KDM4C: variants seen among roughly 807,000 people sequenced by gnomAD.
KDM4C encodes the protein lysine demethylase 4C.
A neutral mutation model predicts 129.3 loss-of-function variants in KDM4C; 81 were observed. That is an observed-to-expected ratio of 0.63 (90% CI 0.52 to 0.75). The LOEUF (loss-of-function observed/expected upper bound fraction) is 0.75. KDM4C is among the 30% of genes least tolerant of loss of function. KDM4C has a pLI of 0.00. For synonymous variants in KDM4C, 573 were observed against 456.1 expected (o/e 1.26, Z -3.26); for missense variants, 1,457 against 1,304.0 (o/e 1.12, Z -1.81).
At chr9:6,828,972 C>T (rs929780042) in intron 4 of KDM4C, among the ~76,000 whole-genome samples, 5 of 152,168 alleles carry the variant, frequency 3.3e-5, no homozygotes, top group Admixed American at 6.5e-5. Flanking sequence ...ACAGTTGAAA[C>T]ATACTTAAAT....
At chr9:6,764,712 T>G in intron 1 of KDM4C, among the ~76,000 whole-genome samples, 1 of 152,216 alleles carries the variant, frequency 6.6e-6, no homozygotes, top group East Asian at 1.9e-4. Context: ...TTCTTCTGGG[T>G]TTATATTGTA....
intron 8 of KDM4C, among the ~76,000 whole-genome samples, chr9:6,959,120 C>T (rs1829607054): frequency 6.6e-6 from 1 of 152,148 alleles, no homozygotes; most frequent in East Asian, 1.9e-4. Flanking sequence ...ACCCAGTGAA[C>T]AAATGACTTA....
intron 1 of KDM4C, among the ~76,000 whole-genome samples, chr9:6,746,032 C>T (rs1197735728): frequency 6.6e-6 from 1 of 151,798 alleles, no homozygotes; most frequent in Non-Finnish European, 1.5e-5. Context: ...TCTTGAACCC[C>T]CAACCTCAGG....
intron 8 of KDM4C, among the ~76,000 whole-genome samples, chr9:6,933,406 T>A (rs931127774): frequency 6.6e-6 from 1 of 152,158 alleles, no homozygotes; most frequent in African/African-American, 2.4e-5. Flanking sequence ...GGCATAACCA[T>A]CAGTGGTTGA....
intron 5 of KDM4C, among the ~76,000 whole-genome samples, chr9:6,854,477 A>G (rs532799168): frequency 6.3e-4 from 91 of 144,724 alleles, no homozygotes; most frequent in Middle Eastern, 3.6e-3. Context: ...GTGAGCTGAG[A>G]TCGCGCCATT....
intron 17 of KDM4C, among the ~76,000 whole-genome samples, chr9:7,069,032 C>T (rs553942762): frequency 6.6e-6 from 1 of 152,226 alleles, no homozygotes; most frequent in African/African-American, 2.4e-5. Context: ...CCTTTCTTCT[C>T]ACTCTACATT....
rs1564204839 is a variant in KDM4C, at chr9:7,169,786, A to G, written c.2902-12A>G. The G allele has an allele frequency of 2.5e-6, 4 of 1,593,786 alleles. No homozygotes were observed. The highest frequency in any genetic ancestry group is 4.5e-5 in the East Asian group (2 of 44,398). On this transcript the variant is annotated splice_polypyrimidine_tract_variant and intron_variant, in intron 20 of 21. Coordinates refer to ENST00000381309, the MANE Select transcript of KDM4C (RefSeq NM_015061.6). The stretch of plus-strand genomic sequence containing the variant: ...TTTTTAATATGTATCATGTTATATT[A>G]TCTTTCATTAGGTTGAGTTTGAAGA...
chr9:7,086,007 CATT>C (rs1835072881), intron 17 of KDM4C, among the ~76,000 whole-genome samples: 1 of 151,970 alleles, frequency 6.6e-6, no homozygotes, highest in South Asian at 2.1e-4. Context: ...AATGCAAAAA[CATT>C]AGCCAGGCAT....
chr9:7,169,490 C>G (rs1157892461), intron 20 of KDM4C, among the ~76,000 whole-genome samples: 2 of 152,158 alleles, frequency 1.3e-5, no homozygotes, highest in Non-Finnish European at 2.9e-5. Context: ...CATGCGCCAC[C>G]ATGCCTGGCT....
chr9:7,112,864 G>A (rs562238635), intron 18 of KDM4C, among the ~76,000 whole-genome samples: 1 of 152,274 alleles, frequency 6.6e-6, no homozygotes, highest in Admixed American at 6.5e-5. Flanking sequence ...GTGTCTCTAA[G>A]ATCCTGGGTG....
At chr9:6,898,462 A>T (rs1816817974) in intron 8 of KDM4C, among the ~76,000 whole-genome samples, 1 of 152,178 alleles carries the variant, frequency 6.6e-6, no homozygotes, top group Non-Finnish European at 1.5e-5. Context: ...CACAAAAATG[A>T]TATCTTTTAT....
Position 6,923,096 on chromosome 9 carries a change from G to A in KDM4C, c.921+29864G>A, listed in dbSNP as rs1211655131. 2.0e-5 allele frequency among the ~76,000 whole-genome samples: 3 copies of A among 152,086 alleles called. No individual in the cohort carries two copies. In the East Asian group the frequency reaches 5.8e-4, roughly 29 times the overall value. ...ATTTTATGGGTATTTATTTGGTAAA[G>A]CCTGTTTGATTTAATGTTTTTACTC... On this transcript the variant is annotated intron_variant, in intron 8 of 21. Transcript: ENST00000381309.
At chr9:7,079,908 T>A (rs930882102) in intron 17 of KDM4C, among the ~76,000 whole-genome samples, 1 of 152,146 alleles carries the variant, frequency 6.6e-6, no homozygotes. Flanking sequence ...GGCTGCTGGT[T>A]CTCCTTTCCC....
intron 6 of KDM4C, 108 bp from the exon 7 acceptor site, chr9:6,887,852 C>G (rs1845526254): frequency 1.4e-6 from 1 of 711,428 alleles, no homozygotes; most frequent in African/African-American, 1.8e-5. Flanking sequence ...GAGGTCCATA[C>G]TTGCATAAGT....
chr9:7,141,155 T>C (rs894084901), intron 19 of KDM4C, among the ~76,000 whole-genome samples: 1 of 152,146 alleles, frequency 6.6e-6, no homozygotes, highest in Non-Finnish European at 1.5e-5. Flanking sequence ...TTTTTGGCTC[T>C]AGTGAAAAAG....
chr9:7,087,950 C>G (rs990278861), intron 17 of KDM4C, among the ~76,000 whole-genome samples: 3 of 152,216 alleles, frequency 2.0e-5, no homozygotes, highest in African/African-American at 7.2e-5. Flanking sequence ...GATTTGTAAT[C>G]TTACAGTGAT....
At chr9:6,733,615 G>A (rs1283216338) in intron 1 of KDM4C, among the ~76,000 whole-genome samples, 1 of 152,200 alleles carries the variant, frequency 6.6e-6, no homozygotes, top group African/African-American at 2.4e-5. Flanking sequence ...TACAGGAAAG[G>A]GGTCCCGATC....
At chr9:6,863,187 G>T (rs1013813666) in intron 5 of KDM4C, among the ~76,000 whole-genome samples, 1 of 151,692 alleles carries the variant, frequency 6.6e-6, no homozygotes, top group African/African-American at 2.4e-5. Context: ...CCCATGTTTT[G>T]ATTTTTTGTT....
At chr9:7,109,822 G>C (rs768758147) in intron 18 of KDM4C, among the ~76,000 whole-genome samples, 3 of 152,128 alleles carry the variant, frequency 2.0e-5, no homozygotes, top group African/African-American at 2.4e-5. Flanking sequence ...TGGTTTGGCT[G>C]TGTCCCCACC....
Sources: gnomAD v4.1 joint callset for allele counts (sites outside exome capture counted in the v4.1 genomes callset) on GRCh38, gnomAD v4.1.1 for gene constraint, MANE v1.5 for transcripts, NCBI Gene and HGNC (gene_info 2026-07-23, HGNC 2026-07-21) for gene names.